The following FAHD2B variants were observed in gnomAD, a reference collection of about 807,000 sequenced individuals.
The protein encoded by FAHD2B is fumarylacetoacetate hydrolase domain containing 2B, also known as oxaloacetate tautomerase FAHD2B, mitochondrial.
FAHD2B carries 26 observed loss-of-function variants against 33.7 expected under a neutral mutation model. The observed-to-expected ratio is 0.77, with a 90% CI of 0.57 to 1.07. The LOEUF (loss-of-function observed/expected upper bound fraction) is 1.07. Ranked by LOEUF, FAHD2B falls within the 50% of genes least tolerant of loss-of-function variation. The pLI, the probability that FAHD2B is intolerant of heterozygous loss-of-function variation, is 0.00. For synonymous variants in FAHD2B, 108 were observed against 150.9 expected, an observed-to-expected ratio of 0.72 and a Z score of 2.08; for missense variants, 272 against 388.1, an observed-to-expected ratio of 0.70 and a Z score of 2.51.
Position 97,086,205 on chromosome 2 carries a change from G to C in FAHD2B, c.463-7C>G. Reference sequence around the variant, plus strand: ...CCACTTCCCAATCTACCTCCTGTAGGGTGGGAGAGGAATAGTGAGCCGCAG... The same window carrying C: ...CCACTTCCCAATCTACCTCCTGTAGCGTGGGAGAGGAATAGTGAGCCGCAG... On this transcript the variant is annotated splice_polypyrimidine_tract_variant and splice_region_variant and intron_variant, in intron 4 of 8. Coordinates refer to ENST00000414820, the MANE Select transcript of FAHD2B (RefSeq NM_001320848.2). The C allele has an allele frequency of 6.2e-7, 1 of 1,610,856 alleles. No individual in the cohort carries two copies. The highest frequency in any genetic ancestry group is 1.7e-5 in the Admixed American group (1 of 59,410).
chr2:97,087,172 C>T (rs1043813959), intron 4 of FAHD2B, among the ~76,000 whole-genome samples: 5 of 151,980 alleles, frequency 3.3e-5, no homozygotes, highest in African/African-American at 1.2e-4. Flanking sequence ...TCGCCTCAGC[C>T]TCCCGAGTAG....
At chr2:97,078,917 C>A (rs1244049056), downstream of FAHD2B, among the ~76,000 whole-genome samples, 1 of 151,892 alleles carries the variant, frequency 6.6e-6, no homozygotes, top group African/African-American at 2.4e-5. Context: ...CCCTCCTCAC[C>A]CTCCATCCTC....
chr2:97,081,631 G>A (rs1013831910), downstream of FAHD2B: 8 of 1,461,720 alleles, frequency 5.5e-6, no homozygotes, highest in African/African-American at 1.1e-4. Flanking sequence ...CTGTGGGGGT[G>A]GGCAGCCCCT....
At position 97,091,628 on chromosome 2, in the gene FAHD2B, T is replaced by C. The variant is rs1197252273; in HGVS notation, c.79A>G (p.Met27Val). 3 of 1,613,794 alleles carry C rather than the reference T, an allele frequency of 1.9e-6. No individual in the cohort carries two copies. The highest frequency in any genetic ancestry group is 2.5e-6 in the Non-Finnish European group (3 of 1,179,996). Residue 27 changes from methionine to valine, a missense_variant, in exon 3 of 9, where the codon ATG becomes GTG. Met to Val is a conservative substitution (Grantham distance 21, BLOSUM62 1). Coordinates refer to ENST00000414820, the MANE Select transcript of FAHD2B (RefSeq NM_001320848.2). ...QKWPFQPSRDMRLVQFRAPHL... is the reference protein window; with the variant it reads ...QKWPFQPSRDVRLVQFRAPHL... ...GGTGCCCGGAACTGCACTAGTCTCATGTCTCTGGAGGGTTGAAAGGGCCAC... is the reference window on the plus strand; with the variant it reads ...GGTGCCCGGAACTGCACTAGTCTCACGTCTCTGGAGGGTTGAAAGGGCCAC...
downstream of FAHD2B, chr2:97,082,613 C>A: frequency 1.3e-6 from 2 of 1,562,030 alleles, no homozygotes; most frequent in South Asian, 1.1e-5. Context: ...CTATCCCTCC[C>A]GGGGCTTCTT....
At chr2:97,082,380 G>C, downstream of FAHD2B, 1 of 1,613,532 alleles carries the variant, frequency 6.2e-7, no homozygotes, top group South Asian at 1.1e-5. Flanking sequence ...GCCAGGTCTA[G>C]GTCTTCTCTC....
chr2:97,087,159 C>A (rs2032041932), intron 4 of FAHD2B, among the ~76,000 whole-genome samples: 1 of 151,960 alleles, frequency 6.6e-6, no homozygotes, highest in Non-Finnish European at 1.5e-5. Context: ...TCACACCATT[C>A]TCTCGCCTCA....
chr2:97,086,398 C>A (rs1317459969), intron 4 of FAHD2B, 200 bp from the exon 5 acceptor site: 2 of 622,066 alleles, frequency 3.2e-6, no homozygotes, highest in Admixed American at 2.9e-5. Context: ...CAGACAGCAT[C>A]ATGGAATACA....
Position 97,086,122 on chromosome 2 carries a change from C to T in FAHD2B, c.522+17G>A, listed in dbSNP as rs1377760866. On this transcript the variant is annotated intron_variant, in intron 5 of 8. Transcript: ENST00000414820. ...TCTGCTGCACTCTGGCCTGGGAGCC[C>T]ACCCTTTCCACCTCACCTTGATGTG... 4 of 1,612,462 alleles carry T rather than the reference C, an allele frequency of 2.5e-6. No homozygotes were observed. Among genetic ancestry groups the T allele is most frequent in the Middle Eastern group, 1.7e-4 (1 of 6,016 alleles).
At chr2:97,086,221 T>C in intron 4 of FAHD2B, 23 bp from the exon 5 acceptor site, 1 of 1,609,296 alleles carries the variant, frequency 6.2e-7, no homozygotes, top group East Asian at 2.2e-5. Context: ...AGAGGAATAG[T>C]GAGCCGCAGT....
At chr2:97,083,274 G>A, downstream of FAHD2B, 1 of 1,603,672 alleles carries the variant, frequency 6.2e-7, no homozygotes. Flanking sequence ...GTGAGGAGGA[G>A]CCTGTGCTGA....
chr2:97,092,017 C>T (rs572162639), intron 1 of FAHD2B, 29 bp from the exon 2 acceptor site: 1 of 302,356 alleles, frequency 3.3e-6, no homozygotes, highest in East Asian at 6.1e-5. Context: ...CAATGTAGGT[C>T]AAACTCAGCC....
downstream of FAHD2B, chr2:97,081,551 G>C: frequency 6.5e-7 from 1 of 1,532,934 alleles, no homozygotes; most frequent in Non-Finnish European, 8.8e-7. Context: ...TCCTTGCCTG[G>C]AGCCTGGCCT....
At chr2:97,080,556 C>A (rs1276398891), downstream of FAHD2B, among the ~76,000 whole-genome samples, 2 of 151,918 alleles carry the variant, frequency 1.3e-5, no homozygotes, top group Non-Finnish European at 2.9e-5. Context: ...TGAGAATTGC[C>A]TTGGCTCTTC....
At chr2:97,081,749 T>G (rs1019865066), downstream of FAHD2B, among the ~76,000 whole-genome samples, 5 of 148,688 alleles carry the variant, frequency 3.4e-5, no homozygotes, top group Non-Finnish European at 7.3e-5. Context: ...ACTGGACATG[T>G]GTGCCTCTGA....
chr2:97,089,942 T>A, intron 4 of FAHD2B, 167 bp downstream of exon 4: 1 of 615,458 alleles, frequency 1.6e-6, no homozygotes, highest in East Asian at 2.8e-5. Flanking sequence ...AACACGTACA[T>A]TAACTTTTTT....
chr2:97,080,599 A>G (rs2031607493), downstream of FAHD2B, among the ~76,000 whole-genome samples: 1 of 152,064 alleles, frequency 6.6e-6, no homozygotes, highest in African/African-American at 2.4e-5. Flanking sequence ...GAATTTTAAA[A>G]TATTTTTTTT....
Position 97,089,517 on chromosome 2 carries a change from CAAAAAAAAAAA to C in FAHD2B, c.462+581_462+591del, listed in dbSNP as rs544124576. ...CTGGCAACAGAGAAAGACTCTGTCT[CAAAAAAAAAAA>C]AAAAAAAAGGAAATAATAATATATT... On this transcript the variant is annotated intron_variant, in intron 4 of 8. Coordinates refer to ENST00000414820, the MANE Select transcript of FAHD2B (RefSeq NM_001320848.2). 1.8e-4 allele frequency among the ~76,000 whole-genome samples: 11 copies of C among 61,738 alleles called. No homozygotes were observed. The East Asian group carries it at 3.0e-3, about 17-fold the overall frequency. The allele number at this position is 61,738 out of a possible 152,430, so 40.5% of individuals were successfully genotyped here.
chr2:97,093,169 C>T (rs1413899883), intron 1 of FAHD2B, among the ~76,000 whole-genome samples: 1 of 151,922 alleles, frequency 6.6e-6, no homozygotes, highest in Admixed American at 6.6e-5. Flanking sequence ...CCTTCTATGC[C>T]CAAAAATGTT....
Sources: gnomAD v4.1 joint callset for allele counts (sites outside exome capture counted in the v4.1 genomes callset) on GRCh38, gnomAD v4.1.1 for gene constraint, MANE v1.5 for transcripts, NCBI Gene and HGNC (gene_info 2026-07-23, HGNC 2026-07-21) for gene names.